The following ST8SIA2 variants were observed in gnomAD, a reference collection of about 807,000 sequenced individuals.
ST8SIA2 encodes the protein ST8 alpha-N-acetyl-neuraminide alpha-2,8-sialyltransferase 2.
In ST8SIA2, 22 loss-of-function variants were observed where a neutral mutation model predicts 37.6. The observed-to-expected ratio is 0.58, with a 90% confidence interval of 0.42 to 0.83. The LOEUF (loss-of-function observed/expected upper bound fraction) is 0.83. Among genes scored for constraint, ST8SIA2 ranks in the 40% least tolerant of loss-of-function variants. The pLI is 0.00. For missense variants in ST8SIA2, 382 were observed against 484.7 expected (o/e 0.79, Z 1.99); for synonymous variants, 205 against 201.2 (o/e 1.02, Z -0.16).
intron 4 of ST8SIA2, among the ~76,000 whole-genome samples, chr15:92,441,609 ACACACACACACG>A (rs1030140583): frequency 8.7e-5 from 13 of 150,006 alleles, no homozygotes; most frequent in African/African-American, 3.2e-4. Context: ...ACACACACAC[ACACACACACACG>A]CACTTCTTCC....
At chr15:92,402,453 G>A (rs544223422) in intron 1 of ST8SIA2, among the ~76,000 whole-genome samples, 5 of 152,244 alleles carry the variant, frequency 3.3e-5, no homozygotes, top group African/African-American at 1.2e-4. Context: ...GTGCAGAGCT[G>A]GGATTCAAAC....
chr15:92,419,582 G>A (rs1345794994), intron 1 of ST8SIA2, among the ~76,000 whole-genome samples: 16 of 152,132 alleles, frequency 1.1e-4, no homozygotes. Context: ...AATATAGGGG[G>A]CACCCTTCTG....
intron 1 of ST8SIA2, among the ~76,000 whole-genome samples, chr15:92,428,065 C>A (rs1047705010): frequency 1.3e-5 from 2 of 152,062 alleles, no homozygotes; most frequent in African/African-American, 2.4e-5. Flanking sequence ...TCCTGGTACT[C>A]GTCGTGATAA....
intron 1 of ST8SIA2, among the ~76,000 whole-genome samples, chr15:92,404,336 C>G (rs527690456): frequency 6.6e-6 from 1 of 152,286 alleles, no homozygotes; most frequent in African/African-American, 2.4e-5. Flanking sequence ...TTCTGAGTCT[C>G]AGTTTCCTAA....
chr15:92,422,888 T>C (rs1382545837), intron 1 of ST8SIA2, among the ~76,000 whole-genome samples: 1 of 152,186 alleles, frequency 6.6e-6, no homozygotes, highest in East Asian at 1.9e-4. Context: ...CTCTAGACAC[T>C]ACCACTTTGG....
At chr15:92,426,419 G>T (rs2049676399) in intron 1 of ST8SIA2, among the ~76,000 whole-genome samples, 1 of 152,154 alleles carries the variant, frequency 6.6e-6, no homozygotes, top group South Asian at 2.1e-4. Context: ...GAGTTCACCG[G>T]CAAAGAAATA....
At chr15:92,453,271 AC>A in intron 5 of ST8SIA2, among the ~76,000 whole-genome samples, 1 of 151,902 alleles carries the variant, frequency 6.6e-6, no homozygotes, top group Non-Finnish European at 1.5e-5. Flanking sequence ...CCACAGAGAG[AC>A]CTCTCTGAAC....
chr15:92,413,810 T>G (rs1435685471), intron 1 of ST8SIA2, among the ~76,000 whole-genome samples: 1 of 152,226 alleles, frequency 6.6e-6, no homozygotes, highest in Non-Finnish European at 1.5e-5. Flanking sequence ...GCCCTCTTTC[T>G]TGCAGTTTTC....
At position 92,464,318 on chromosome 15, in the gene ST8SIA2, C is replaced by T. The variant is rs150304343; in HGVS notation, c.1061C>T (p.Ala354Val). ...CATACCATGCCCTTGGAGTTTAAGG[C>T]CCTCAAGAGCCTACATGAGCAGGGG... ...SPHTMPLEFK[A>V]LKSLHEQGAL... Residue 354 changes from alanine to valine, a missense_variant, in exon 6 of 6, where the codon GCC becomes GTC. Ala to Val is a moderately conservative substitution (Grantham distance 64). Transcript: ENST00000268164. 1 of 1,613,888 alleles carries T rather than the reference C, an allele frequency of 6.2e-7. No individual in the cohort carries two copies. Among genetic ancestry groups the T allele is most frequent in the Non-Finnish European group, 8.5e-7 (1 of 1,180,014 alleles).
chr15:92,404,177 A>G (rs1217679635), intron 1 of ST8SIA2, among the ~76,000 whole-genome samples: 2 of 152,198 alleles, frequency 1.3e-5, no homozygotes, highest in Non-Finnish European at 2.9e-5. Flanking sequence ...AGGACTGACA[A>G]GTTCTTGCCA....
intron 5 of ST8SIA2, among the ~76,000 whole-genome samples, chr15:92,456,293 G>T (rs1414373106): frequency 6.6e-6 from 1 of 152,202 alleles, no homozygotes; most frequent in Non-Finnish European, 1.5e-5. Flanking sequence ...GCCTAAAAGG[G>T]CTTGCAGTGA....
intron 5 of ST8SIA2, among the ~76,000 whole-genome samples, chr15:92,455,750 C>T (rs2049915546): frequency 6.6e-6 from 1 of 152,234 alleles, no homozygotes. Context: ...GTGCTGATAT[C>T]TGCAAACATA....
rs1313492886 is a variant in ST8SIA2, at chr15:92,465,502, T to G, written c.*1117T>G. 1 of 152,222 alleles carries G rather than the reference T, an allele frequency of 6.6e-6. No individual in the cohort carries two copies. Among genetic ancestry groups the G allele is most frequent in the Non-Finnish European group, 1.5e-5 (1 of 68,048 alleles). 9.4% of individuals were successfully genotyped at this position (152,222 alleles called of 1,614,324 possible). On this transcript the variant is annotated 3_prime_UTR_variant, in exon 6 of 6. Coordinates refer to ENST00000268164, the MANE Select transcript of ST8SIA2 (RefSeq NM_006011.4). Reference sequence around the variant, plus strand: ...TGTTCAGCATCTAGCTCCATGTCCCTGCAACCACTCTCTGTTTGCCTTCTG... The same window carrying G: ...TGTTCAGCATCTAGCTCCATGTCCCGGCAACCACTCTCTGTTTGCCTTCTG...
At chr15:92,454,368 C>A (rs1210675169) in intron 5 of ST8SIA2, among the ~76,000 whole-genome samples, 1 of 152,002 alleles carries the variant, frequency 6.6e-6, no homozygotes, top group African/African-American at 2.4e-5. Context: ...ACCCTAGTGA[C>A]CTAATTTTAA....
rs1555454371 is a variant in ST8SIA2, at chr15:92,464,093, T to TTTC, written c.843-6_843-4dup. 6.6e-7 allele frequency: 1 copy of TTTC among 1,522,836 alleles called. No individual in the cohort carries two copies. Among genetic ancestry groups the TTTC allele is most frequent in the Admixed American group, 2.1e-5 (1 of 47,786 alleles). The allele number at this position is 1,522,836 out of a possible 1,614,324, so 94.3% of individuals were successfully genotyped here. On this transcript the variant is annotated splice_polypyrimidine_tract_variant and splice_region_variant and intron_variant, in intron 5 of 5. Coordinates refer to ENST00000268164, the MANE Select transcript of ST8SIA2 (RefSeq NM_006011.4). ...TTTTCTTTTTTTTTTTTTTTTTTTT[T>TTTC]TTCCAGATACTGGCTGACCAACAAA...
In ST8SIA2 at chr15:92,415,909, G is replaced by A. The variant is rs539775705; in HGVS notation, c.99-14140G>A. Among the ~76,000 whole-genome samples, 22 of 152,292 alleles carry A rather than the reference G, an allele frequency of 1.4e-4. No homozygotes were observed. In the South Asian group the frequency reaches 4.3e-3, roughly 30 times the overall value. On this transcript the variant is annotated intron_variant, in intron 1 of 5. Coordinates refer to ENST00000268164, the MANE Select transcript of ST8SIA2 (RefSeq NM_006011.4). ...GCATTCCAGAAACTGCCCCTTGGTA[G>A]GAGGTGGATGTGTGGAAAAGAAGAT...
chr15:92,418,552 G>A (rs968798435), intron 1 of ST8SIA2, among the ~76,000 whole-genome samples: 2 of 151,536 alleles, frequency 1.3e-5, no homozygotes, highest in African/African-American at 2.4e-5. Flanking sequence ...TTTAATTGAT[G>A]TCTTGGAATC....
chr15:92,418,174 C>T (rs1168419846), intron 1 of ST8SIA2, among the ~76,000 whole-genome samples: 2 of 152,068 alleles, frequency 1.3e-5, no homozygotes, highest in Middle Eastern at 3.2e-3. Context: ...TTACTATGGG[C>T]CTGGCATGGT....
chr15:92,403,895 G>A (rs1318651423), intron 1 of ST8SIA2, among the ~76,000 whole-genome samples: 8 of 152,148 alleles, frequency 5.3e-5, no homozygotes, highest in Admixed American at 1.3e-4. Flanking sequence ...GAAACTCCCC[G>A]TGGTGTTCTG....
Sources: allele counts gnomAD v4.1 joint callset (sites outside exome capture counted in the v4.1 genomes callset), GRCh38; gene constraint gnomAD v4.1.1; transcripts MANE v1.5; gene names NCBI Gene and HGNC (gene_info 2026-07-23, HGNC 2026-07-21).